The following RBFOX1 variants were observed in gnomAD, a reference collection of about 807,000 sequenced individuals.
RBFOX1 encodes RNA binding protein fox-1 homolog 1.
RBFOX1 carries 8 observed loss-of-function variants against 57.7 expected under a neutral mutation model. The ratio of observed to expected loss-of-function variants is 0.14; its 90% CI spans 0.08 to 0.25. The LOEUF is 0.25. Ranked by LOEUF, RBFOX1 falls within the 10% of genes least tolerant of loss-of-function variation. The probability of loss-of-function intolerance (pLI) is 1.00; values close to 1 mark genes in which losing one functional copy is unlikely to be tolerated. For synonymous variants in RBFOX1, 326 were observed against 222.4 expected, an observed-to-expected ratio of 1.47 and a Z score of -4.15; for missense variants, 611 against 548.5, an observed-to-expected ratio of 1.11 and a Z score of -1.14.
chr16:7,165,425 T>G (rs1000210451), intron 4 of RBFOX1, among the ~76,000 whole-genome samples: 1 of 66,632 alleles, frequency 1.5e-5, no homozygotes, highest in Non-Finnish European at 3.4e-5. Context: ...TAATCATTAT[T>G]ATTATTATTA....
intron 3 of RBFOX1, among the ~76,000 whole-genome samples, chr16:5,710,083 G>A (rs938520779): frequency 2.0e-5 from 3 of 151,116 alleles, no homozygotes; most frequent in Admixed American, 6.6e-5. Context: ...GCTCCTGAGT[G>A]GCTGGATAAG....
chr16:7,451,134 C>T (rs1296478601), intron 4 of RBFOX1, among the ~76,000 whole-genome samples: 2 of 152,132 alleles, frequency 1.3e-5, no homozygotes, highest in Admixed American at 6.5e-5. Context: ...GAATCGTACT[C>T]AGAAAACATC....
At chr16:6,753,662 T>G (rs1040307304) in intron 3 of RBFOX1, among the ~76,000 whole-genome samples, 2 of 152,160 alleles carry the variant, frequency 1.3e-5, no homozygotes, top group African/African-American at 2.4e-5. Flanking sequence ...TCGCCTGCCT[T>G]CCTTTTCTGT....
rs879898472 is a variant in RBFOX1, at chr16:7,460,370, A to AATAT, written c.28-57760_28-57757dup. On this transcript the variant is annotated intron_variant, in intron 4 of 15. Coordinates refer to ENST00000550418, the MANE Select transcript of RBFOX1 (RefSeq NM_018723.4). ...ATGATTTGCCTTAATCATTTAGCAAAATATATATATATATATATATGTGTG... is the reference window on the plus strand; with the variant it reads ...ATGATTTGCCTTAATCATTTAGCAAAATATATATATATATATATATATATGTGTG... 7.1e-3 allele frequency among the ~76,000 whole-genome samples: 536 copies of AATAT among 75,952 alleles called. 9 individuals carry two copies. The highest frequency in any genetic ancestry group is 0.016 in the Middle Eastern group (2 of 122). The allele number at this position is 75,952 out of a possible 152,430, so 49.8% of individuals were successfully genotyped here. A position where few individuals can be genotyped will look rare whatever the true frequency, so the allele number is the denominator to read the frequency against.
intron 2 of RBFOX1, among the ~76,000 whole-genome samples, chr16:6,373,251 A>T (rs12446154): frequency 0.57 from 82,912 of 145,700 alleles, 22,943 homozygotes; most frequent in Middle Eastern, 0.69. Context: ...GTAGGAGGAT[A>T]GTGTAGAATG....
chr16:6,483,208 C>G (rs1258084157), intron 2 of RBFOX1: 4 of 1,200,420 alleles, frequency 3.3e-6, no homozygotes, highest in Middle Eastern at 3.4e-4. Flanking sequence ...CCGAGGCCGG[C>G]CGGGGAAGCC....
At chr16:5,817,266 T>C (rs2055677257) in intron 3 of RBFOX1, among the ~76,000 whole-genome samples, 1 of 152,208 alleles carries the variant, frequency 6.6e-6, no homozygotes, top group Admixed American at 6.5e-5. Flanking sequence ...AGGTGAAGGA[T>C]AGCTTGGAGC....
intron 1 of RBFOX1, among the ~76,000 whole-genome samples, chr16:5,431,086 C>CCAG (rs2067719001): frequency 6.6e-6 from 1 of 152,120 alleles, no homozygotes; most frequent in South Asian, 2.1e-4. Context: ...ACTGGAGCCA[C>CCAG]CATAGAGTGC....
chr16:6,089,181 A>G (rs189415070), intron 1 of RBFOX1, among the ~76,000 whole-genome samples: 4 of 152,110 alleles, frequency 2.6e-5, no homozygotes, highest in African/African-American at 9.7e-5. Flanking sequence ...GAGAATTGCT[A>G]AAGTTGAGGG....
chr16:7,247,070 C>T (rs900855195), intron 4 of RBFOX1, among the ~76,000 whole-genome samples: 9 of 152,104 alleles, frequency 5.9e-5, no homozygotes, highest in African/African-American at 2.2e-4. Context: ...ACAATGGGGT[C>T]CTTGATTTAG....
chr16:7,311,777 G>A (rs973145946), intron 4 of RBFOX1, among the ~76,000 whole-genome samples: 3 of 152,176 alleles, frequency 2.0e-5, no homozygotes, highest in East Asian at 1.9e-4. Flanking sequence ...GAGCCAGTTG[G>A]TATCATGGTA....
intron 1 of RBFOX1, among the ~76,000 whole-genome samples, chr16:6,248,764 A>G (rs2097584564): frequency 6.6e-6 from 1 of 152,142 alleles, no homozygotes; most frequent in Admixed American, 6.6e-5. Flanking sequence ...GTATGAGTCA[A>G]AGAAGTCACA....
chr16:7,166,972 C>CTTTTTTTTTTTTTTTTTTTT lies in RBFOX1; in HGVS notation c.27+114890_27+114909dup, dbSNP rs537293692. 6.3e-4 allele frequency among the ~76,000 whole-genome samples: 31 copies of CTTTTTTTTTTTTTTTTTTTT among 49,114 alleles called. 3 individuals are homozygous for CTTTTTTTTTTTTTTTTTTTT. Among genetic ancestry groups the CTTTTTTTTTTTTTTTTTTTT allele is most frequent in the African/African-American group, 1.3e-3 (13 of 9,926 alleles). The allele number at this position is 49,114 out of a possible 152,430, so 32.2% of individuals were successfully genotyped here. ...AGCCCCAGATTGCTGCATTGGTGTTCTTTTTTTTTTTTTTTTTTTTTTTTT... is the reference window on the plus strand; with the variant it reads ...AGCCCCAGATTGCTGCATTGGTGTTCTTTTTTTTTTTTTTTTTTTTTTTTTTTTTTTTTTTTTTTTTTTTT... On this transcript the variant is annotated intron_variant, in intron 4 of 15. Coordinates refer to ENST00000550418, the MANE Select transcript of RBFOX1 (RefSeq NM_018723.4).
At chr16:5,877,909 C>G (rs934924139) in intron 4 of RBFOX1, among the ~76,000 whole-genome samples, 10 of 152,288 alleles carry the variant, frequency 6.6e-5, no homozygotes, top group African/African-American at 2.2e-4. Flanking sequence ...TTATGGAAAG[C>G]TGCTTCTGCC....
At chr16:5,662,214 ACCTTTG>A (rs1365214164) in intron 3 of RBFOX1, among the ~76,000 whole-genome samples, 44 of 152,212 alleles carry the variant, frequency 2.9e-4, no homozygotes. Context: ...GACTATTTAT[ACCTTTG>A]AGTGTCTTCT....
chr16:6,286,200 A>G (rs2076893341), intron 1 of RBFOX1, among the ~76,000 whole-genome samples: 1 of 152,156 alleles, frequency 6.6e-6, no homozygotes, highest in South Asian at 2.1e-4. Flanking sequence ...CATGGCGTCC[A>G]TTTTTAACCC....
At chr16:5,675,163 A>G (rs2050127144) in intron 3 of RBFOX1, among the ~76,000 whole-genome samples, 1 of 152,132 alleles carries the variant, frequency 6.6e-6, no homozygotes, top group Non-Finnish European at 1.5e-5. Flanking sequence ...AAGTGTGTGT[A>G]TAGATATGAA....
chr16:7,572,319 G>C (rs768253250), intron 5 of RBFOX1, among the ~76,000 whole-genome samples: 2 of 152,174 alleles, frequency 1.3e-5, no homozygotes, highest in Non-Finnish European at 2.9e-5. Context: ...CAGACTTGCA[G>C]GTCGCTCATG....
At chr16:6,212,643 C>A (rs754881114) in intron 1 of RBFOX1, among the ~76,000 whole-genome samples, 3 of 151,988 alleles carry the variant, frequency 2.0e-5, no homozygotes, top group Non-Finnish European at 4.4e-5. Flanking sequence ...GGAGGTGGAG[C>A]TTGCAGTGAG....
Sources: allele counts gnomAD v4.1 joint callset (sites outside exome capture counted in the v4.1 genomes callset), GRCh38; gene constraint gnomAD v4.1.1; transcripts MANE v1.5; gene names NCBI Gene and HGNC (gene_info 2026-07-23, HGNC 2026-07-21).